The following STOM variants were observed in gnomAD, a reference collection of about 807,000 sequenced individuals.
STOM encodes the protein stomatin, also known as erythrocyte band 7 integral membrane protein.
STOM carries 25 observed loss-of-function variants against 30.6 expected under a neutral mutation model. The observed-to-expected ratio is 0.82, with a 90% confidence interval of 0.60 to 1.14. The LOEUF is 1.14. Ranked by LOEUF, STOM falls within the 50% of genes most tolerant of loss-of-function variation. STOM has a pLI of 0.00. For missense variants in STOM, 292 were observed against 365.2 expected (o/e 0.80, Z 1.63); for synonymous variants, 118 against 130.8 (o/e 0.90, Z 0.67).
intron 4 of STOM, among the ~76,000 whole-genome samples, chr9:121,352,649 G>C (rs186950169): frequency 1.2e-4 from 18 of 152,300 alleles, no homozygotes; most frequent in Non-Finnish European, 2.5e-4. Context: ...TAAGCACTTG[G>C]CACATATATC....
At position 121,341,265 on chromosome 9, in the gene STOM, G is replaced by A; in HGVS notation, c.804C>T (p.Val268=). ...TIAAEKNSTI[V]FPLPIDMLQG... ...GCAGCATATCTATGGGCAGAGGGAAGACAATTGTTGAGTTTTTCTCAGCAG... is the reference window on the plus strand; with the variant it reads ...GCAGCATATCTATGGGCAGAGGGAAAACAATTGTTGAGTTTTTCTCAGCAG... Residue 268 remains valine (V), a synonymous_variant, in exon 7 of 7, where the codon GTC becomes GTT. Transcript: ENST00000286713. The A allele has an allele frequency of 1.2e-6, 2 of 1,614,196 alleles. No homozygotes were observed. Among genetic ancestry groups the A allele is most frequent in the Non-Finnish European group, 1.7e-6 (2 of 1,180,040 alleles).
intron 2 of STOM, among the ~76,000 whole-genome samples, chr9:121,355,146 C>T (rs1375467609): frequency 6.7e-6 from 1 of 149,012 alleles, no homozygotes; most frequent in Non-Finnish European, 1.5e-5. Context: ...ATAATCCAAG[C>T]TACAAGGGAG....
At chr9:121,354,172 G>A (rs1019897472) in intron 3 of STOM, among the ~76,000 whole-genome samples, 7 of 152,194 alleles carry the variant, frequency 4.6e-5, no homozygotes, top group Non-Finnish European at 5.9e-5. Flanking sequence ...GCTCAAACTT[G>A]TATAGCTGTA....
chr9:121,339,400 A>T lies in STOM; in HGVS notation c.*1802T>A. 1.9e-6 allele frequency: 1 copy of T among 532,280 alleles called. No homozygotes were observed. Among genetic ancestry groups the T allele is most frequent in the Non-Finnish European group, 2.8e-6 (1 of 360,144 alleles). The allele number at this position is 532,280 out of a possible 1,614,324, so 33.0% of individuals were successfully genotyped here. ...ACCATCATTTTAAAATTCAAAATGTAAGTGCAACTTGAGTTTAAGTTGCAC... is the reference window on the plus strand; with the variant it reads ...ACCATCATTTTAAAATTCAAAATGTTAGTGCAACTTGAGTTTAAGTTGCAC... On this transcript the variant is annotated 3_prime_UTR_variant, in exon 7 of 7. Coordinates refer to ENST00000286713, the MANE Select transcript of STOM (RefSeq NM_004099.6).
At chr9:121,348,574 C>A (rs187781087) in intron 5 of STOM, among the ~76,000 whole-genome samples, 1 of 152,348 alleles carries the variant, frequency 6.6e-6, no homozygotes, top group African/African-American at 2.4e-5. Context: ...CTCCTTTGTG[C>A]TTCAACTTCC....
intron 1 of STOM, among the ~76,000 whole-genome samples, chr9:121,356,900 A>G (rs1245807932): frequency 1.3e-5 from 2 of 152,052 alleles, no homozygotes; most frequent in Admixed American, 6.6e-5. Context: ...GGAGAATTGC[A>G]TGAACCCAGG....
chr9:121,359,934 A>G (rs1471366406), intron 1 of STOM, among the ~76,000 whole-genome samples: 1 of 152,192 alleles, frequency 6.6e-6, no homozygotes, highest in Non-Finnish European at 1.5e-5. Flanking sequence ...ATAGCAAAAG[A>G]TAGTTTCAAG....
At chr9:121,366,207 C>A (rs988576473) in intron 1 of STOM, 6 of 985,200 alleles carry the variant, frequency 6.1e-6, no homozygotes, top group Non-Finnish European at 6.0e-6. Context: ...CAAGGATAAT[C>A]TTCTGAAATG....
At chr9:121,367,687 C>A (rs2064518283) in intron 1 of STOM, among the ~76,000 whole-genome samples, 1 of 152,232 alleles carries the variant, frequency 6.6e-6, no homozygotes, top group Non-Finnish European at 1.5e-5. Flanking sequence ...CTACCTAGGA[C>A]TAATTCTCAG....
At chr9:121,357,435 ATATATT>A (rs143847731) in intron 1 of STOM, among the ~76,000 whole-genome samples, 20,027 of 128,216 alleles carry the variant, frequency 0.16, 2,695 homozygotes, top group African/African-American at 0.26. Context: ...ATATATATAT[ATATATT>A]TATTTATTTA....
intron 6 of STOM, among the ~76,000 whole-genome samples, chr9:121,342,374 A>G (rs996131337): frequency 2.0e-5 from 3 of 152,146 alleles, no homozygotes; most frequent in Non-Finnish European, 4.4e-5. Flanking sequence ...CTCAAAAAAA[A>G]AAAAAAAAAT....
chr9:121,369,823 G>T, intron 1 of STOM: 1 of 364,008 alleles, frequency 2.7e-6, no homozygotes, highest in Non-Finnish European at 5.0e-6. Flanking sequence ...GCGTTTCCTA[G>T]TCCGCGTGCG....
chr9:121,360,523 T>C (rs1039569662), intron 1 of STOM, among the ~76,000 whole-genome samples: 2 of 152,224 alleles, frequency 1.3e-5, no homozygotes, highest in Non-Finnish European at 2.9e-5. Context: ...GCTGGCCTTG[T>C]AGAATACAGA....
chr9:121,360,545 G>A (rs899734097), intron 1 of STOM, among the ~76,000 whole-genome samples: 2 of 152,192 alleles, frequency 1.3e-5, no homozygotes, highest in African/African-American at 4.8e-5. Flanking sequence ...AAAATGATCA[G>A]TAAATGTAGA....
At chr9:121,354,923 C>G (rs1044739311) in intron 2 of STOM, among the ~76,000 whole-genome samples, 1 of 151,926 alleles carries the variant, frequency 6.6e-6, no homozygotes, top group Admixed American at 6.6e-5. Context: ...TATACAGAAA[C>G]AAATCCATAA....
At chr9:121,361,761 C>G (rs550898636) in intron 1 of STOM, among the ~76,000 whole-genome samples, 2 of 152,298 alleles carry the variant, frequency 1.3e-5, no homozygotes, top group East Asian at 3.9e-4. Flanking sequence ...GTAAATACTA[C>G]TTTGCCATAG....
chr9:121,351,138 T>C (rs897846422), intron 4 of STOM, among the ~76,000 whole-genome samples: 12 of 152,220 alleles, frequency 7.9e-5, no homozygotes, highest in African/African-American at 2.4e-4. Flanking sequence ...TTCAGCAGCT[T>C]GCAGAATAGG....
intron 1 of STOM, among the ~76,000 whole-genome samples, chr9:121,358,117 A>C (rs1042051921): frequency 1.1e-4 from 17 of 151,128 alleles, no homozygotes; most frequent in Non-Finnish European, 8.8e-5. Context: ...CTTGGGCAAC[A>C]TAGGGAGACT....
chr9:121,346,620 G>C (rs543431835), intron 6 of STOM, among the ~76,000 whole-genome samples: 2 of 152,090 alleles, frequency 1.3e-5, no homozygotes, highest in East Asian at 3.9e-4. Flanking sequence ...GAGATGATAG[G>C]GCACATTTAA....
Sources: gnomAD v4.1 joint callset for allele counts (sites outside exome capture counted in the v4.1 genomes callset) on GRCh38, gnomAD v4.1.1 for gene constraint, MANE v1.5 for transcripts, NCBI Gene and HGNC (gene_info 2026-07-23, HGNC 2026-07-21) for gene names.